The following GLMN variants were observed in gnomAD, a reference collection of about 807,000 sequenced individuals.
The protein encoded by GLMN is glomulin, FKBP associated protein.
A neutral mutation model predicts 87.8 loss-of-function variants in GLMN; 75 were observed. The observed-to-expected ratio is 0.85, with a 90% CI of 0.71 to 1.04. The LOEUF (loss-of-function observed/expected upper bound fraction) is 1.04. Among genes scored for constraint, GLMN ranks in the 50% least tolerant of loss-of-function variants. GLMN has a pLI of 0.00. For missense variants in GLMN, 588 were observed against 658.8 expected (o/e 0.89, Z 1.18); for synonymous variants, 206 against 221.6 (o/e 0.93, Z 0.63).
At chr1:92,348,150 A>C in the GLMN span, among the ~76,000 whole-genome samples, 2 of 152,106 alleles carry the variant, frequency 1.3e-5, no homozygotes, top group Non-Finnish European at 2.9e-5. Context: ...CGGCCTCCCA[A>C]AGTGCTGTGA....
At chr1:92,283,874 C>T (rs1297916920) in intron 7 of GLMN, among the ~76,000 whole-genome samples, 1 of 152,114 alleles carries the variant, frequency 6.6e-6, no homozygotes, top group Non-Finnish European at 1.5e-5. Flanking sequence ...TTCACAATTA[C>T]TACAAAGAGA....
In GLMN at chr1:92,293,287, A is replaced by C. The variant is rs573567953; in HGVS notation, c.166-1750T>G. 2.5e-3 allele frequency among the ~76,000 whole-genome samples: 384 copies of C among 152,258 alleles called. 3 individuals are homozygous for C. Among genetic ancestry groups the C allele is most frequent in the South Asian group, 9.3e-3 (45 of 4,822 alleles). The stretch of plus-strand genomic sequence containing the variant: ...TCACCCCAGTTAAAATGGCTTATAT[A>C]CAAAAGACAGTCAATAACAAATGCT... On this transcript the variant is annotated intron_variant, in intron 3 of 18. Transcript: ENST00000370360.
the GLMN span, chr1:92,346,051 C>A: frequency 1.8e-6 from 1 of 542,020 alleles, no homozygotes; most frequent in Non-Finnish European, 3.2e-6. Context: ...TTTTCCTTTC[C>A]TATGTAAGAA....
At chr1:92,286,403 A>G (rs1409904110) in intron 7 of GLMN, 87 bp downstream of exon 7, 1 of 665,052 alleles carries the variant, frequency 1.5e-6, no homozygotes, top group Non-Finnish European at 2.7e-6. Context: ...TTTCTTTATT[A>G]ATGAATGTAT....
chr1:92,316,171 T>C, the GLMN span, among the ~76,000 whole-genome samples: 1 of 152,228 alleles, frequency 6.6e-6, no homozygotes, highest in East Asian at 1.9e-4. Context: ...GGGTGAATGG[T>C]TAATGCTGAC....
the GLMN span, among the ~76,000 whole-genome samples, chr1:92,356,593 T>TG: frequency 1.3e-5 from 2 of 150,388 alleles, no homozygotes; most frequent in Non-Finnish European, 3.0e-5. Flanking sequence ...TAATTTTTTT[T>TG]TTTTTTTTTT....
chr1:92,332,941 T>C, the GLMN span, among the ~76,000 whole-genome samples: 1 of 152,108 alleles, frequency 6.6e-6, no homozygotes, highest in Non-Finnish European at 1.5e-5. Context: ...TCCCCCAACT[T>C]TTTTCAGTTC....
chr1:92,369,916 G>A, the GLMN span, among the ~76,000 whole-genome samples: 1 of 152,084 alleles, frequency 6.6e-6, no homozygotes, highest in Non-Finnish European at 1.5e-5. Flanking sequence ...CAAGAGTCTT[G>A]CTCTGTCACC....
chr1:92,293,113 G>A (rs983256240), intron 3 of GLMN, among the ~76,000 whole-genome samples: 35 of 151,714 alleles, frequency 2.3e-4, no homozygotes, highest in Non-Finnish European at 3.7e-4. Context: ...CAACACTAAA[G>A]GAAAAAATCT....
chr1:92,356,991 A>G, the GLMN span, among the ~76,000 whole-genome samples: 1 of 151,850 alleles, frequency 6.6e-6, no homozygotes, highest in Non-Finnish European at 1.5e-5. Context: ...GCTTGAACTC[A>G]GGAAGCAGAG....
the GLMN span, among the ~76,000 whole-genome samples, chr1:92,356,027 A>T: frequency 6.6e-6 from 1 of 152,226 alleles, no homozygotes; most frequent in East Asian, 1.9e-4. Flanking sequence ...GAAATGTGTA[A>T]ATTAATTTTT....
At chr1:92,359,181 AC>A in the GLMN span, among the ~76,000 whole-genome samples, 2 of 152,242 alleles carry the variant, frequency 1.3e-5, no homozygotes, top group African/African-American at 4.8e-5. Flanking sequence ...TCTAGAATCC[AC>A]AGGATTTTGA....
intron 16 of GLMN, among the ~76,000 whole-genome samples, chr1:92,254,016 T>C (rs1305816287): frequency 6.6e-6 from 1 of 152,140 alleles, no homozygotes; most frequent in African/African-American, 2.4e-5. Flanking sequence ...GCTAAGAACC[T>C]TGATAAAAGG....
At chr1:92,324,522 G>T in the GLMN span, 1 of 650,628 alleles carries the variant, frequency 1.5e-6, no homozygotes, top group South Asian at 2.2e-5. Flanking sequence ...GGTTTACAGT[G>T]CCATCTCCAC....
the GLMN span, among the ~76,000 whole-genome samples, chr1:92,358,746 C>T: frequency 2.0e-5 from 3 of 151,816 alleles, no homozygotes; most frequent in African/African-American, 7.3e-5. Flanking sequence ...CACCATCCTG[C>T]TCAGCTTTAA....
rs764995587 is a variant in GLMN at position 92,266,776 on chromosome 1, C to G, written c.1099-35G>C. Reference sequence around the variant, plus strand: ...AAAAAATGTAAAATTCAGATGTAAACAGATTATACTGACTGCAAACAAACA... The same window carrying G: ...AAAAAATGTAAAATTCAGATGTAAAGAGATTATACTGACTGCAAACAAACA... On this transcript the variant is annotated intron_variant, in intron 11 of 18. Transcript: ENST00000370360. 2.2e-6 allele frequency: 3 copies of G among 1,391,410 alleles called. No individual in the cohort carries two copies. In the South Asian group the frequency reaches 3.5e-5, roughly 16 times the overall value. The allele number at this position is 1,391,410 out of a possible 1,614,324, so 86.2% of individuals were successfully genotyped here. A position where few individuals can be genotyped will look rare whatever the true frequency, so the allele number is the denominator to read the frequency against.
chr1:92,321,917 T>C, the GLMN span, among the ~76,000 whole-genome samples: 1 of 151,472 alleles, frequency 6.6e-6, no homozygotes, highest in African/African-American at 2.4e-5. Flanking sequence ...TTTTTTTATT[T>C]AAGAAACCGA....
Position 92,247,151 on chromosome 1 carries a change from G to C in GLMN, c.1586-7C>G. 6.9e-7 allele frequency: 1 copy of C among 1,440,156 alleles called. No individual in the cohort carries two copies. The highest frequency in any genetic ancestry group is 1.1e-5 in the South Asian group (1 of 87,526). 89.2% of individuals were successfully genotyped at this position (1,440,156 alleles called of 1,614,324 possible). A position where few individuals can be genotyped will look rare whatever the true frequency, so the allele number is the denominator to read the frequency against. ...TCTTTAGATTTCTGGGCCTCTGTAA[G>C]AGAAGAAAAATCATGTGTGACACTT... is the stretch of plus-strand genomic sequence containing the variant. On this transcript the variant is annotated splice_region_variant and splice_polypyrimidine_tract_variant and intron_variant, in intron 17 of 18. Coordinates refer to ENST00000370360, the MANE Select transcript of GLMN (RefSeq NM_053274.3).
rs773435694 is a variant in GLMN at position 92,263,676 on chromosome 1, CA to C, written c.1355del (p.Leu452TrpfsTer24). 16 of 1,604,588 alleles carry C rather than the reference CA, an allele frequency of 1.0e-5. No homozygotes were observed. Among genetic ancestry groups the C allele is most frequent in the Non-Finnish European group, 1.3e-5 (15 of 1,171,444 alleles). On this transcript the variant is annotated frameshift_variant, in exon 15 of 19. Transcript: ENST00000370360. LOFTEE classifies it high-confidence loss of function. ...CTGCACCCTCTGGGAGAAAAAGTACCAAATCAAGAAGGGAAATCAACTGTGG... is the reference window on the plus strand; with the variant it reads ...CTGCACCCTCTGGGAGAAAAAGTACCAATCAAGAAGGGAAATCAACTGTGG... Reference protein sequence around the residue: ...TGPQLISLLDLVLFLPEGAET... With the variant: ...TGPQLISLLDXVLFLPEGAET...
Sources: allele counts gnomAD v4.1 joint callset (sites outside exome capture counted in the v4.1 genomes callset), GRCh38; gene constraint gnomAD v4.1.1; transcripts MANE v1.5; gene names NCBI Gene and HGNC (gene_info 2026-07-23, HGNC 2026-07-21).